The following ZNF674 variants were observed in gnomAD, a reference collection of about 807,000 sequenced individuals.
ZNF674 encodes the protein zinc finger protein 674, also known as zinc finger family member 674.
In ZNF674, 2 loss-of-function variants were observed where a neutral mutation model predicts 7.0. The ratio of observed to expected loss-of-function variants is 0.29; its 90% CI spans 0.12 to 0.90. The LOEUF (loss-of-function observed/expected upper bound fraction) is 0.90. Ranked by LOEUF, ZNF674 falls within the 40% of genes least tolerant of loss-of-function variation. The probability of loss-of-function intolerance (pLI) is 0.57; values close to 1 mark genes in which losing one functional copy is unlikely to be tolerated. For synonymous variants in ZNF674, 103 were observed against 145.2 expected, an observed-to-expected ratio of 0.71 and a Z score of 2.09; for missense variants, 297 against 415.5, an observed-to-expected ratio of 0.71 and a Z score of 2.48.
At chrX:46,528,056 A>G in intron 5 of ZNF674, 1 of 411,297 alleles carries the variant, frequency 2.4e-6, no homozygotes. Flanking sequence ...GAGAGGAATG[A>G]GAAGGGGCTT....
At chrX:46,526,466 C>T (rs899291093) in intron 5 of ZNF674, among the ~76,000 whole-genome samples, 2 of 110,390 alleles carry the variant, frequency 1.8e-5, no homozygotes, top group Admixed American at 9.8e-5. Flanking sequence ...ATTTTATACA[C>T]GGGGGCTCAC....
At chrX:46,535,560 C>A (rs182500807) in intron 3 of ZNF674, among the ~76,000 whole-genome samples, 21 of 111,755 alleles carry the variant, frequency 1.9e-4, no homozygotes, top group Non-Finnish European at 3.4e-4. Context: ...ATGAAAAAGA[C>A]CACAACCTAA....
intron 3 of ZNF674, among the ~76,000 whole-genome samples, chrX:46,531,247 G>C (rs893396195): frequency 8.9e-6 from 1 of 111,804 alleles, no homozygotes; most frequent in Non-Finnish European, 1.9e-5. Flanking sequence ...TCCATCTGGC[G>C]GTTCATCTGT....
rs758249051 is a variant in ZNF674, at chrX:46,501,061, T to C, written c.513A>G (p.Ala171=). The C allele has an allele frequency of 4.0e-5, 48 of 1,207,112 alleles. No individual in the cohort carries two copies. Among genetic ancestry groups the C allele is most frequent in the Non-Finnish European group, 5.6e-6 (5 of 893,505 alleles). ...YVRKKDDGCK[A]YWKVCLHYNL... Reference sequence around the variant, plus strand: ...TATAATGGAGGCATACTTTCCAATATGCCTTACATCCATCATCTTTCTTTC... The same window carrying C: ...TATAATGGAGGCATACTTTCCAATACGCCTTACATCCATCATCTTTCTTTC... Residue 171 remains alanine, a synonymous_variant, in exon 6 of 6, where the codon GCA becomes GCG. Coordinates refer to ENST00000683375, the MANE Select transcript of ZNF674 (RefSeq NM_001190417.2).
intron 5 of ZNF674, among the ~76,000 whole-genome samples, chrX:46,519,251 T>TA (rs1402872728): frequency 4.0e-5 from 3 of 74,756 alleles, no homozygotes; most frequent in Non-Finnish European, 7.7e-5. Context: ...GATAGATAGA[T>TA]AGATAGATAG....
At chrX:46,506,730 C>T (rs1941547607) in intron 5 of ZNF674, among the ~76,000 whole-genome samples, 1 of 111,840 alleles carries the variant, frequency 8.9e-6, no homozygotes, top group Non-Finnish European at 1.9e-5. Context: ...CTCAAAACTT[C>T]ATCTCCCATG....
intron 5 of ZNF674, chrX:46,523,006 G>A (rs145056162): frequency 1.2e-3 from 158 of 135,443 alleles, no homozygotes; most frequent in African/African-American, 4.0e-3. Flanking sequence ...GGGTAGAGTC[G>A]TAGTTCTCAA....
intron 5 of ZNF674, among the ~76,000 whole-genome samples, chrX:46,509,888 G>A (rs1020768941): frequency 1.8e-5 from 2 of 110,072 alleles, no homozygotes; most frequent in African/African-American, 6.6e-5. Context: ...TGGAACCAAC[G>A]CAAATGTCCA....
intron 5 of ZNF674, among the ~76,000 whole-genome samples, chrX:46,512,117 T>C (rs1273333308): frequency 9.0e-6 from 1 of 111,691 alleles, no homozygotes; most frequent in Non-Finnish European, 1.9e-5. Context: ...TCCCAGCACT[T>C]TGGGAGGCCG....
intron 2 of ZNF674, among the ~76,000 whole-genome samples, chrX:46,543,557 C>T (rs1443710338): frequency 1.8e-5 from 2 of 110,755 alleles, no homozygotes; most frequent in African/African-American, 6.6e-5. Flanking sequence ...CTGTGAGGGG[C>T]TGAAAACCAC....
intron 5 of ZNF674, among the ~76,000 whole-genome samples, chrX:46,511,513 T>C (rs755927174): frequency 8.9e-6 from 1 of 112,046 alleles, no homozygotes; most frequent in South Asian, 3.7e-4. Flanking sequence ...AAAGGATAAC[T>C]GAGTAAGAGT....
At chrX:46,534,051 C>G (rs1235969192) in intron 3 of ZNF674, among the ~76,000 whole-genome samples, 3 of 107,175 alleles carry the variant, frequency 2.8e-5, no homozygotes, top group Non-Finnish European at 5.7e-5. Flanking sequence ...GAAGGGGAAG[C>G]AAGACACCTT....
chrX:46,542,495 G>A (rs1004214080), intron 2 of ZNF674, among the ~76,000 whole-genome samples: 2 of 111,704 alleles, frequency 1.8e-5, no homozygotes, highest in Non-Finnish European at 3.8e-5. Context: ...GATTGATTGA[G>A]GCCAGGAGTT....
chrX:46,514,684 G>A (rs1051260160), intron 5 of ZNF674, among the ~76,000 whole-genome samples: 1 of 112,256 alleles, frequency 8.9e-6, no homozygotes, highest in African/African-American at 3.2e-5. Context: ...ATCAGTATTA[G>A]ATTACAACTT....
Position 46,533,829 on chromosome X carries a change from A to AATATAT in ZNF674, c.16-4926_16-4921dup, listed in dbSNP as rs1197442802. 4.3e-3 allele frequency among the ~76,000 whole-genome samples: 283 copies of AATATAT among 65,480 alleles called. 6 individuals are homozygous for AATATAT. The highest frequency in any genetic ancestry group is 0.024 in the African/African-American group (246 of 10,108). The allele number at this position is 65,480 out of a possible 115,157, so 56.9% of individuals were successfully genotyped here. A position where few individuals can be genotyped will look rare whatever the true frequency, so the allele number is the denominator to read the frequency against. ...CCTGTCTCAAAAAAAAAAAAAAAAA[A>AATATAT]ATATATATATATATATATATATATA... On this transcript the variant is annotated intron_variant, in intron 3 of 5. Transcript: ENST00000683375.
chrX:46,542,957 TG>T (rs1942317861), intron 2 of ZNF674, among the ~76,000 whole-genome samples: 1 of 102,118 alleles, frequency 9.8e-6, no homozygotes, highest in African/African-American at 3.4e-5. Context: ...TTCTTTTTTT[TG>T]TTTTTTTTTG....
intron 3 of ZNF674, among the ~76,000 whole-genome samples, chrX:46,539,574 C>CG (rs1942255946): frequency 8.9e-6 from 1 of 112,647 alleles, no homozygotes; most frequent in Non-Finnish European, 1.9e-5. Flanking sequence ...AATGAAATAC[C>CG]AAGCAGTTGC....
At chrX:46,512,018 C>G (rs1289699080) in intron 5 of ZNF674, among the ~76,000 whole-genome samples, 1 of 82,425 alleles carries the variant, frequency 1.2e-5, no homozygotes, top group Non-Finnish European at 2.3e-5. Context: ...AGTGAAACTC[C>G]ATCTCAAAAA....
intron 3 of ZNF674, among the ~76,000 whole-genome samples, chrX:46,541,574 G>A (rs748769805): frequency 3.6e-5 from 4 of 111,176 alleles, no homozygotes; most frequent in African/African-American, 6.5e-5. Flanking sequence ...ATATATACGT[G>A]TACGTTTTTA....
Sources: gnomAD v4.1 joint callset for allele counts (sites outside exome capture counted in the v4.1 genomes callset) on GRCh38, gnomAD v4.1.1 for gene constraint, MANE v1.5 for transcripts, NCBI Gene and HGNC (gene_info 2026-07-23, HGNC 2026-07-21) for gene names.